ZNF791: variants seen among roughly 807,000 people sequenced by gnomAD.
ZNF791 encodes the protein zinc finger protein 791.
ZNF791 carries 4 observed loss-of-function variants against 11.5 expected under a neutral mutation model. That is an observed-to-expected ratio of 0.35 (90% CI 0.17 to 0.80). The LOEUF (loss-of-function observed/expected upper bound fraction) is 0.80. Ranked by LOEUF, ZNF791 falls within the 30% of genes least tolerant of loss-of-function variation. ZNF791 has a pLI of 0.53. For missense variants in ZNF791, 559 were observed against 699.4 expected (o/e 0.80, Z 2.26); for synonymous variants, 212 against 228.1 (o/e 0.93, Z 0.64).
At chr19:12,612,806 A>G (rs1162824672) in intron 1 of ZNF791, among the ~76,000 whole-genome samples, 1 of 104,226 alleles carries the variant, frequency 9.6e-6, no homozygotes, top group East Asian at 3.2e-4. Flanking sequence ...ATTCTGCTGG[A>G]TTTTTTTTTT....
chr19:12,627,984 G>A lies in ZNF791; in HGVS notation c.455G>A (p.Arg152Lys). 6.2e-7 allele frequency: 1 copy of A among 1,613,960 alleles called. No individual in the cohort carries two copies. The highest frequency in any genetic ancestry group is 8.5e-7 in the Non-Finnish European group (1 of 1,179,966). ...CTCAAATCCTTTCAAAGACATGAAAGGAGTCACACTGGAGAAAAACCCTAT... is the reference window on the plus strand; with the variant it reads ...CTCAAATCCTTTCAAAGACATGAAAAGAGTCACACTGGAGAAAAACCCTAT... ...SYLKSFQRHERSHTGEKPYKC... is the reference protein window; with the variant it reads ...SYLKSFQRHEKSHTGEKPYKC... Residue 152 changes from arginine to lysine, a missense_variant, in exon 4 of 4, where the codon AGG becomes AAG. Transcript: ENST00000343325.
rs527495915 is a variant in ZNF791 at position 12,624,083 on chromosome 19, T to A, written c.130+257T>A. On this transcript the variant is annotated intron_variant, in intron 2 of 3. Transcript: ENST00000343325. ...GTTGGTCAGGCTGGTCTTGAACTCC[T>A]GACCACAGGTAATCTGCCCGCTTCA... 2.0e-5 allele frequency among the ~76,000 whole-genome samples: 3 copies of A among 151,126 alleles called. No individual in the cohort carries two copies. The East Asian group carries it at 5.8e-4, about 29-fold the overall frequency.
At chr19:12,618,808 A>AGTGTGTGTGT (rs60468264) in intron 1 of ZNF791, among the ~76,000 whole-genome samples, 8 of 143,610 alleles carry the variant, frequency 5.6e-5, no homozygotes, top group East Asian at 4.3e-4. Flanking sequence ...TTTACCTCTC[A>AGTGTGTGTGT]GTGTGTGTGT....
At position 12,621,924 on chromosome 19, in the gene ZNF791, G is replaced by A. The variant is rs1467750497; in HGVS notation, c.4-1776G>A. Among the ~76,000 whole-genome samples the A allele has an allele frequency of 1.9e-4, 22 of 113,660 alleles. 2 individuals carry two copies. The highest frequency in any genetic ancestry group is 4.3e-4 in the Non-Finnish European group (22 of 51,478). 74.6% of individuals were successfully genotyped at this position (113,660 alleles called of 152,430 possible). ...TTTGTGGAATAGAAAGGCGGGAAAAGTGGGGAAAAGATTGAGAAATCGGAT... is the reference window on the plus strand; with the variant it reads ...TTTGTGGAATAGAAAGGCGGGAAAAATGGGGAAAAGATTGAGAAATCGGAT... On this transcript the variant is annotated intron_variant, in intron 1 of 3. Coordinates refer to ENST00000343325, the MANE Select transcript of ZNF791 (RefSeq NM_153358.3).
chr19:12,625,541 T>C (rs1169140610), intron 3 of ZNF791, among the ~76,000 whole-genome samples: 1 of 151,224 alleles, frequency 6.6e-6, no homozygotes, highest in Admixed American at 6.6e-5. Flanking sequence ...TCCCAGCACT[T>C]TGGGAAGGTG....
intron 3 of ZNF791, 136 bp from the exon 4 acceptor site, chr19:12,627,585 C>T: frequency 1.3e-6 from 1 of 761,414 alleles, no homozygotes; most frequent in South Asian, 2.1e-5. Flanking sequence ...GAGATCGCAC[C>T]ATTGCACTCC....
At chr19:12,614,892 CTTTTTTTTTTTTTTTTTTTT>C (rs57575424) in intron 1 of ZNF791, among the ~76,000 whole-genome samples, 16 of 17,550 alleles carry the variant, frequency 9.1e-4, no homozygotes, top group South Asian at 0.011. Context: ...TGCGTCCGGC[CTTTTTTTTTTTTTTTTTTTT>C]TTTTTTTTTT....
At chr19:12,611,715 T>A (rs1333218991) in intron 1 of ZNF791, among the ~76,000 whole-genome samples, 1 of 152,228 alleles carries the variant, frequency 6.6e-6, no homozygotes, top group Non-Finnish European at 1.5e-5. Flanking sequence ...GGAACTAATC[T>A]GCATAAAATG....
At chr19:12,618,808 AGTGT>A (rs60468264) in intron 1 of ZNF791, among the ~76,000 whole-genome samples, 4,310 of 143,634 alleles carry the variant, frequency 0.03, 74 homozygotes, top group South Asian at 0.04. Flanking sequence ...TTTACCTCTC[AGTGT>A]GTGTGTGTGT....
rs775585876 is a variant in ZNF791, at chr19:12,624,725, C to G, written c.191+15C>G. ...CGAAATCTAAGGTGAGTTGCACTCA[C>G]AAGAAGTAACAGTGTTCCTTGAAAG... On this transcript the variant is annotated intron_variant, in intron 3 of 3. Transcript: ENST00000343325. The G allele has an allele frequency of 2.6e-5, 41 of 1,593,230 alleles. No homozygotes were observed. The highest frequency in any genetic ancestry group is 3.3e-5 in the Non-Finnish European group (39 of 1,167,884).
At position 12,627,704 on chromosome 19, in the gene ZNF791, C is replaced by T. The variant is rs1466917604; in HGVS notation, c.192-17C>T. ...TTAATACACAACCAGTATTACCGTG[C>T]TTCTAATTTTTTACAGAAGCCATAC... is the stretch of plus-strand genomic sequence containing the variant. On this transcript the variant is annotated splice_polypyrimidine_tract_variant and intron_variant, in intron 3 of 3. Transcript: ENST00000343325. 1 of 1,587,284 alleles carries T rather than the reference C, an allele frequency of 6.3e-7. No individual in the cohort carries two copies.
Position 12,627,983 on chromosome 19 carries a change from A to G in ZNF791, c.454A>G (p.Arg152Gly), listed in dbSNP as rs1413874048. 6.2e-7 allele frequency: 1 copy of G among 1,614,104 alleles called. No individual in the cohort carries two copies. Among genetic ancestry groups the G allele is most frequent in the Non-Finnish European group, 8.5e-7 (1 of 1,180,002 alleles). ...SYLKSFQRHE[R>G]SHTGEKPYKC... ...TCTCAAATCCTTTCAAAGACATGAA[A>G]GGAGTCACACTGGAGAAAAACCCTA... The change falls in exon 4 of 4, where the codon AGG becomes GGG. Residue 152 changes from arginine (R) to glycine (G), a missense_variant. By Grantham distance (125) the Arg-to-Gly change is moderately radical. Coordinates refer to ENST00000343325, the MANE Select transcript of ZNF791 (RefSeq NM_153358.3).
In ZNF791 at chr19:12,627,901, A is replaced by C. The variant is rs1300375861; in HGVS notation, c.372A>C (p.Gly124=). The C allele has an allele frequency of 6.2e-7, 1 of 1,614,060 alleles. No homozygotes were observed. Among genetic ancestry groups the C allele is most frequent in the African/African-American group, 1.3e-5 (1 of 74,930 alleles). The change falls in exon 4 of 4, where the codon GGA becomes GGC. Residue 124 remains glycine, a synonymous_variant. Coordinates refer to ENST00000343325, the MANE Select transcript of ZNF791 (RefSeq NM_153358.3). ...CTAGACACATGAGGTCTCACACTGG[A>C]TACGAGCTATTTGAGAAGCCATATA... ...SLTRHMRSHT[G]YELFEKPYKC...
rs1469684304 is a variant in ZNF791, at chr19:12,630,055, G to C, written c.*795G>C. 6.6e-6 allele frequency: 1 copy of C among 151,852 alleles called. No individual in the cohort carries two copies. The highest frequency in any genetic ancestry group is 1.5e-5 in the Non-Finnish European group (1 of 68,074). The allele number at this position is 151,852 out of a possible 1,614,324, so 9.4% of individuals were successfully genotyped here. A position where few individuals can be genotyped will look rare whatever the true frequency, so the allele number is the denominator to read the frequency against. On this transcript the variant is annotated 3_prime_UTR_variant, in exon 4 of 4. Transcript: ENST00000343325. Reference sequence around the variant, plus strand: ...ACACCCTGTAGTCCCATCTACATGGGAGGCTGAGGCAGGAGGATTGCCTGA... The same window carrying C: ...ACACCCTGTAGTCCCATCTACATGGCAGGCTGAGGCAGGAGGATTGCCTGA...
intron 1 of ZNF791, among the ~76,000 whole-genome samples, chr19:12,622,416 A>AC (rs1370437004): frequency 6.9e-6 from 1 of 144,952 alleles, no homozygotes; most frequent in African/African-American, 2.5e-5. Flanking sequence ...TCAAACAAAA[A>AC]AAAAAAAAAA....
intron 1 of ZNF791, among the ~76,000 whole-genome samples, chr19:12,621,666 G>A (rs1229045177): frequency 6.7e-6 from 1 of 148,922 alleles, no homozygotes; most frequent in Non-Finnish European, 1.5e-5. Context: ...TATAACAAAA[G>A]GGGATAGAAG....
intron 3 of ZNF791, among the ~76,000 whole-genome samples, chr19:12,626,248 CT>C (rs1211129020): frequency 7.2e-5 from 11 of 152,200 alleles, no homozygotes; most frequent in South Asian, 2.1e-4. Flanking sequence ...ATCTCCTGAC[CT>C]CGTGATCTGC....
intron 1 of ZNF791, among the ~76,000 whole-genome samples, chr19:12,616,623 G>T (rs1370315893): frequency 6.6e-6 from 1 of 152,104 alleles, no homozygotes; most frequent in Non-Finnish European, 1.5e-5. Flanking sequence ...AGCCTAGGAG[G>T]CAGAGGTTGC....
rs145644550 is a variant in ZNF791 at position 12,611,811 on chromosome 19, C to T, written c.3+729C>T. ...TTGAGGTTCCTTTTTGTAAACTTTC[C>T]TGGGTAATCTATCTTTTCAGCACAG... On this transcript the variant is annotated intron_variant, in intron 1 of 3. Transcript: ENST00000343325. 8.1e-4 allele frequency among the ~76,000 whole-genome samples: 123 copies of T among 152,262 alleles called. 1 individual carries two copies. The highest frequency in any genetic ancestry group is 2.9e-3 in the African/African-American group (122 of 41,548).
Sources: allele counts gnomAD v4.1 joint callset (sites outside exome capture counted in the v4.1 genomes callset), GRCh38; gene constraint gnomAD v4.1.1; transcripts MANE v1.5; gene names NCBI Gene and HGNC (gene_info 2026-07-23, HGNC 2026-07-21).